GALNT13: variants seen among roughly 807,000 people sequenced by gnomAD.
The protein encoded by GALNT13 is UDP-GalNAc:polypeptide N-acetylgalactosaminyltransferase 13.
A neutral mutation model predicts 64.2 loss-of-function variants in GALNT13; 28 were observed. The observed-to-expected ratio is 0.44, with a 90% CI of 0.32 to 0.60. The LOEUF (loss-of-function observed/expected upper bound fraction) is 0.60, where lower values mean the gene tolerates loss of function less well. Ranked by LOEUF, GALNT13 falls within the 20% of genes least tolerant of loss-of-function variation. The probability of loss-of-function intolerance (pLI) is 0.05; values close to 1 mark genes in which losing one functional copy is unlikely to be tolerated. For missense variants in GALNT13, 577 were observed against 669.8 expected, an observed-to-expected ratio of 0.86 and a Z score of 1.53; for synonymous variants, 214 against 224.6, an observed-to-expected ratio of 0.95 and a Z score of 0.42.
intron 9 of GALNT13, among the ~76,000 whole-genome samples, chr2:154,373,011 C>T (rs2105314886): frequency 6.6e-6 from 1 of 152,028 alleles, no homozygotes; most frequent in African/African-American, 2.4e-5. Flanking sequence ...GACACTATTC[C>T]TAGGAGCTAA....
the GALNT13 span, among the ~76,000 whole-genome samples, chr2:153,169,556 G>A: frequency 6.6e-6 from 1 of 152,180 alleles, no homozygotes. Context: ...GGTACTGCAT[G>A]TCTGATGGGA....
At chr2:153,284,902 A>G in the GALNT13 span, among the ~76,000 whole-genome samples, 1 of 151,774 alleles carries the variant, frequency 6.6e-6, no homozygotes, top group Non-Finnish European at 1.5e-5. Flanking sequence ...CCAATAATAA[A>G]CACACACTTT....
intron 9 of GALNT13, among the ~76,000 whole-genome samples, chr2:154,333,853 G>A (rs1402725364): frequency 2.6e-5 from 4 of 152,046 alleles, no homozygotes; most frequent in Non-Finnish European, 4.4e-5. Context: ...GTGGCAGCTC[G>A]TGCTTCATTT....
chr2:154,034,692 G>A (rs543372997), intron 3 of GALNT13, among the ~76,000 whole-genome samples: 5 of 152,110 alleles, frequency 3.3e-5, no homozygotes, highest in Admixed American at 1.3e-4. Context: ...AGAAAATGTG[G>A]TATTTGGCTT....
rs796440094 is a variant in GALNT13 at position 154,146,306 on chromosome 2, G to A, written c.311+5801G>A. On this transcript the variant is annotated intron_variant, in intron 4 of 12. Transcript: ENST00000392825. ...AGTAGAGTAACACATGTCTAGGCATGTTCTCAGAGACACATTTAAGTACGT... is the reference window on the plus strand; with the variant it reads ...AGTAGAGTAACACATGTCTAGGCATATTCTCAGAGACACATTTAAGTACGT... 2.1e-4 allele frequency among the ~76,000 whole-genome samples: 32 copies of A among 151,950 alleles called. 1 individual carries two copies. The highest frequency in any genetic ancestry group is 7.5e-4 in the African/African-American group (31 of 41,488).
intron 3 of GALNT13, among the ~76,000 whole-genome samples, chr2:154,092,794 T>C (rs1354314003): frequency 6.6e-6 from 1 of 151,918 alleles, no homozygotes; most frequent in African/African-American, 2.4e-5. Flanking sequence ...GAAACATATA[T>C]TGAGTGTTCT....
chr2:154,393,915 A>G (rs1223701228), intron 9 of GALNT13, among the ~76,000 whole-genome samples: 3 of 150,288 alleles, frequency 2.0e-5, no homozygotes, highest in Middle Eastern at 3.4e-3. Flanking sequence ...CGTCTCTACT[A>G]AAAATACAAA....
At chr2:154,408,659 A>G (rs549833478) in intron 10 of GALNT13, among the ~76,000 whole-genome samples, 1 of 152,168 alleles carries the variant, frequency 6.6e-6, no homozygotes, top group East Asian at 1.9e-4. Context: ...CCTAATTTTC[A>G]GAGGATTTGG....
At chr2:154,148,180 G>A (rs1352626139) in intron 4 of GALNT13, among the ~76,000 whole-genome samples, 2 of 151,788 alleles carry the variant, frequency 1.3e-5, no homozygotes, top group African/African-American at 4.8e-5. Flanking sequence ...GCAGTGTTTG[G>A]TTTTTTGTTC....
intron 7 of GALNT13, among the ~76,000 whole-genome samples, chr2:154,258,384 A>G (rs556721989): frequency 6.6e-6 from 1 of 152,254 alleles, no homozygotes; most frequent in South Asian, 2.1e-4. Context: ...AATAACAGAA[A>G]TCCCATAAAT....
chr2:153,301,910 TGTATA>T, the GALNT13 span, among the ~76,000 whole-genome samples: 1 of 149,654 alleles, frequency 6.7e-6, no homozygotes, highest in Non-Finnish European at 1.5e-5. Flanking sequence ...TGTGTGTGTG[TGTATA>T]GTATATCACA....
At chr2:153,519,280 G>A in the GALNT13 span, among the ~76,000 whole-genome samples, 2 of 152,170 alleles carry the variant, frequency 1.3e-5, no homozygotes, top group African/African-American at 4.8e-5. Context: ...TGTTAGCAGA[G>A]TTAATCTATC....
chr2:153,516,094 C>A, the GALNT13 span, among the ~76,000 whole-genome samples: 3 of 152,234 alleles, frequency 2.0e-5, no homozygotes, highest in South Asian at 2.1e-4. Context: ...AATGATATGA[C>A]TTGGATTAGA....
chr2:154,188,954 A>G (rs989430922), intron 4 of GALNT13, among the ~76,000 whole-genome samples: 1 of 152,202 alleles, frequency 6.6e-6, no homozygotes, highest in African/African-American at 2.4e-5. Context: ...CAACTTAATA[A>G]CTAGTCTTGA....
At chr2:153,223,185 TGA>T in the GALNT13 span, among the ~76,000 whole-genome samples, 1 of 152,198 alleles carries the variant, frequency 6.6e-6, no homozygotes, top group Non-Finnish European at 1.5e-5. Flanking sequence ...AGGCAGAAAC[TGA>T]GAGAACTGAA....
At chr2:154,418,105 G>A (rs1700102404) in intron 11 of GALNT13, among the ~76,000 whole-genome samples, 1 of 151,976 alleles carries the variant, frequency 6.6e-6, no homozygotes, top group Non-Finnish European at 1.5e-5. Context: ...CCCCTTACAG[G>A]AATAAACGCT....
chr2:153,328,863 A>AG, the GALNT13 span, among the ~76,000 whole-genome samples: 6 of 144,084 alleles, frequency 4.2e-5, no homozygotes. Flanking sequence ...CAGAAAAAAA[A>AG]CTCTTGCAGC....
the GALNT13 span, among the ~76,000 whole-genome samples, chr2:153,097,073 A>G: frequency 6.6e-6 from 1 of 152,062 alleles, no homozygotes; most frequent in Non-Finnish European, 1.5e-5. Flanking sequence ...GATGCTTGCT[A>G]ATACTATTTT....
At chr2:153,315,823 A>G in the GALNT13 span, among the ~76,000 whole-genome samples, 1 of 152,202 alleles carries the variant, frequency 6.6e-6, no homozygotes, top group African/African-American at 2.4e-5. Flanking sequence ...ATTCGAGTTT[A>G]TAAAAACTTT....
Sources: allele counts gnomAD v4.1 joint callset (sites outside exome capture counted in the v4.1 genomes callset), GRCh38; gene constraint gnomAD v4.1.1; transcripts MANE v1.5; gene names NCBI Gene and HGNC (gene_info 2026-07-23, HGNC 2026-07-21).